Variants in MAML3 observed in about 807,000 individuals in gnomAD.
MAML3 encodes mastermind-like protein 3.
Under a neutral mutation model 101.9 loss-of-function variants are expected in MAML3, and 27 were observed. The observed-to-expected ratio is 0.27, with a 90% CI of 0.20 to 0.37. The LOEUF is 0.37. Ranked by LOEUF, MAML3 falls within the 10% of genes least tolerant of loss-of-function variation. The pLI, the probability that MAML3 is intolerant of heterozygous loss-of-function variation, is 1.00. For synonymous variants in MAML3, 501 were observed against 555.9 expected (o/e 0.90, Z 1.39); for missense variants, 1,316 against 1,444.9 (o/e 0.91, Z 1.45).
chr4:139,879,951 T>C (rs951505377), intron 2 of MAML3, among the ~76,000 whole-genome samples: 22 of 152,160 alleles, frequency 1.4e-4, no homozygotes, highest in Non-Finnish European at 2.5e-4. Context: ...GGTGGGTGGA[T>C]TGCCTGAGCT....
At chr4:140,090,769 G>A (rs1728031554) in intron 1 of MAML3, among the ~76,000 whole-genome samples, 1 of 152,318 alleles carries the variant, frequency 6.6e-6, no homozygotes, top group Admixed American at 6.5e-5. Context: ...AAATTGGACA[G>A]GCCAGGCATG....
chr4:140,055,152 C>T (rs534257877), intron 1 of MAML3, among the ~76,000 whole-genome samples: 2 of 152,288 alleles, frequency 1.3e-5, no homozygotes, highest in East Asian at 3.9e-4. Flanking sequence ...CTGATGAACT[C>T]TATTCCCCTA....
intron 1 of MAML3, among the ~76,000 whole-genome samples, chr4:140,094,749 C>T (rs1210039017): frequency 6.6e-6 from 1 of 152,222 alleles, no homozygotes; most frequent in Non-Finnish European, 1.5e-5. Context: ...GCTGAACAAA[C>T]TATTTGATCA....
chr4:139,887,840 G>A (rs1000920898), intron 2 of MAML3, among the ~76,000 whole-genome samples: 1 of 152,054 alleles, frequency 6.6e-6, no homozygotes, highest in Non-Finnish European at 1.5e-5. Context: ...CATGTATATT[G>A]CCTATATTTC....
chr4:140,125,865 G>A (rs545917327), intron 1 of MAML3, among the ~76,000 whole-genome samples: 113 of 152,132 alleles, frequency 7.4e-4, no homozygotes, highest in African/African-American at 2.4e-3. Context: ...TGCAACCTCC[G>A]CCTCCCGGAT....
chr4:139,720,415 A>T (rs1311161404), intron 4 of MAML3, 92 bp from the exon 5 acceptor site: 12 of 1,151,188 alleles, frequency 1.0e-5, no homozygotes, highest in Non-Finnish European at 1.3e-5. Context: ...GAATGACAAA[A>T]TTCCTTTATA....
intron 2 of MAML3, among the ~76,000 whole-genome samples, chr4:139,867,000 T>C (rs1393783460): frequency 2.0e-5 from 3 of 152,350 alleles, no homozygotes; most frequent in South Asian, 4.1e-4. Context: ...AGGCACATAA[T>C]GGGCATTTGA....
chr4:139,888,815 G>C (rs1046488981), intron 2 of MAML3, among the ~76,000 whole-genome samples: 1 of 152,122 alleles, frequency 6.6e-6, no homozygotes. Flanking sequence ...AACATTATAA[G>C]GTCCTACAAA....
chr4:140,075,982 G>A (rs1294057495), intron 1 of MAML3, among the ~76,000 whole-genome samples: 5 of 151,886 alleles, frequency 3.3e-5, no homozygotes, highest in African/African-American at 1.2e-4. Flanking sequence ...GGCTAGTCTC[G>A]AACTCCTGGT....
intron 1 of MAML3, among the ~76,000 whole-genome samples, chr4:140,014,261 A>C (rs1259936359): frequency 1.3e-5 from 2 of 152,226 alleles, no homozygotes; most frequent in African/African-American, 4.8e-5. Flanking sequence ...CCAACCAACC[A>C]GAGAGTAGAG....
rs113501608 is a variant in MAML3 at position 140,145,723 on chromosome 4, G to A, written c.468+7137C>T. Among the ~76,000 whole-genome samples, 902 of 150,934 alleles carry A rather than the reference G, an allele frequency of 6.0e-3. 4 individuals are homozygous for A. The highest frequency in any genetic ancestry group is 0.031 in the Middle Eastern group (9 of 292). ...TGGGATTATAGACATGCGCCACCAC[G>A]CCCGGCTAATTTTTGTATTTTTCGT... On this transcript the variant is annotated intron_variant, in intron 1 of 4. Coordinates refer to ENST00000509479, the MANE Select transcript of MAML3 (RefSeq NM_018717.5).
rs530400620 is a variant in MAML3 at position 139,735,099 on chromosome 4, G to C, written c.2080-4432C>G. Among the ~76,000 whole-genome samples the C allele has an allele frequency of 6.6e-6, 1 of 152,198 alleles. No individual in the cohort carries two copies. Among genetic ancestry groups the C allele is most frequent in the Admixed American group, 6.5e-5 (1 of 15,290 alleles). ...CGGCCCCCGCCCCGCGCGTCTGGGC[G>C]AGCGCTGCGAACGTGGAGCCAGGCA... On this transcript the variant is annotated intron_variant, in intron 2 of 4. Transcript: ENST00000509479. The surrounding 1 kb of genome is among the most constrained non-coding windows in gnomAD (Gnocchi z 5.8).
intron 2 of MAML3, among the ~76,000 whole-genome samples, chr4:139,831,073 A>G (rs756223876): frequency 1.3e-5 from 2 of 152,184 alleles, no homozygotes; most frequent in Non-Finnish European, 2.9e-5. Flanking sequence ...CAATGACACA[A>G]TCATGGCCAC....
At chr4:139,737,155 C>G (rs568056747) in intron 2 of MAML3, among the ~76,000 whole-genome samples, 1 of 152,048 alleles carries the variant, frequency 6.6e-6, no homozygotes. Context: ...ACAAGTCCCT[C>G]GTGTAATAAG....
chr4:140,153,007 G>C lies in MAML3; in HGVS notation c.321C>G (p.Arg107=). The change falls in exon 1 of 5, where the codon CGC becomes CGG. Residue 107 remains arginine (R), a synonymous_variant. Coordinates refer to ENST00000509479, the MANE Select transcript of MAML3 (RefSeq NM_018717.5). ...GCTGGTAGAGGCTCACGGTGTCCCG[G>C]CGCTCCAGCTCCAGCTGCTCCACCT... is the stretch of plus-strand genomic sequence containing the variant. ...QAQVEQLELE[R]RDTVSLYQRT... The C allele has an allele frequency of 1.2e-6, 2 of 1,605,788 alleles. No homozygotes were observed. Among genetic ancestry groups the C allele is most frequent in the Non-Finnish European group, 8.5e-7 (1 of 1,176,370 alleles).
intron 2 of MAML3, among the ~76,000 whole-genome samples, chr4:139,780,432 A>G (rs1730178057): frequency 6.6e-6 from 1 of 152,156 alleles, no homozygotes; most frequent in Non-Finnish European, 1.5e-5. Context: ...AAACAACCTC[A>G]AGCCAAGGAG....
chr4:139,787,712 A>G (rs971818984), intron 2 of MAML3, among the ~76,000 whole-genome samples: 1 of 152,238 alleles, frequency 6.6e-6, no homozygotes, highest in African/African-American at 2.4e-5. Flanking sequence ...GTTATCAACC[A>G]TGACTCTTAA....
intron 1 of MAML3, among the ~76,000 whole-genome samples, chr4:139,946,876 C>T (rs895598507): frequency 2.4e-4 from 35 of 148,120 alleles, no homozygotes; most frequent in African/African-American, 8.2e-4. Context: ...CAAATTTCTC[C>T]AGGCAGAGTA....
intron 1 of MAML3, among the ~76,000 whole-genome samples, chr4:140,106,115 GAAAAAAAAA>G (rs59770042): frequency 1.1e-4 from 10 of 90,102 alleles, no homozygotes; most frequent in Middle Eastern, 0.014. Context: ...CTGACTTCAA[GAAAAAAAAA>G]AAAAAAAAAA....
Sources: gnomAD v4.1 joint callset for allele counts (sites outside exome capture counted in the v4.1 genomes callset) on GRCh38, gnomAD v4.1.1 for gene constraint, Gnocchi (gnomAD v3.1) non-coding constraint, MANE v1.5 for transcripts, NCBI Gene and HGNC (gene_info 2026-07-23, HGNC 2026-07-21) for gene names.